Variants in GPR139 observed in about 807,000 individuals in gnomAD.
GPR139 encodes G protein-coupled receptor 139.
Under a neutral mutation model 25.8 loss-of-function variants are expected in GPR139, and 12 were observed. That is an observed-to-expected ratio of 0.47 (90% CI 0.30 to 0.75). The LOEUF (loss-of-function observed/expected upper bound fraction) is 0.75. Among genes scored for constraint, GPR139 ranks in the 30% least tolerant of loss-of-function variants. The pLI is 0.07. For missense variants in GPR139, 380 were observed against 450.2 expected, an observed-to-expected ratio of 0.84 and a Z score of 1.41; for synonymous variants, 184 against 179.9, an observed-to-expected ratio of 1.02 and a Z score of -0.18.
At chr16:20,059,972 C>T (rs16969483) in intron 1 of GPR139, among the ~76,000 whole-genome samples, 42,395 of 151,964 alleles carry the variant, frequency 0.28, 6,764 homozygotes, top group South Asian at 0.45. Flanking sequence ...GGTGGAACCA[C>T]GGTCTGTGAG....
intron 1 of GPR139, among the ~76,000 whole-genome samples, chr16:20,052,452 G>A (rs2057375570): frequency 6.6e-6 from 1 of 152,224 alleles, no homozygotes; most frequent in South Asian, 2.1e-4. Flanking sequence ...TGCTGCTGAT[G>A]AGACACGATT....
chr16:20,038,453 T>C (rs1302590766), intron 1 of GPR139, among the ~76,000 whole-genome samples: 1 of 151,766 alleles, frequency 6.6e-6, no homozygotes, highest in East Asian at 1.9e-4. Context: ...ATTCTCCATA[T>C]CGAAGCTCTT....
chr16:20,029,265 T>C lies in GPR139; in HGVS notation c.*2470A>G, dbSNP rs2057278490. Among the ~76,000 whole-genome samples the C allele has an allele frequency of 6.6e-6, 1 of 152,052 alleles. No homozygotes were observed. The highest frequency in any genetic ancestry group is 2.1e-4 in the South Asian group (1 of 4,816). On this transcript the variant is annotated 3_prime_UTR_variant, in exon 2 of 2. Transcript: ENST00000570682. ...TAAATTAAAGTGTCTGAGGAAAATG[T>C]TCCCAATGCACACCCAGTTTTTAAA...
intron 1 of GPR139, among the ~76,000 whole-genome samples, chr16:20,066,418 A>T (rs767599935): frequency 2.6e-5 from 4 of 152,108 alleles, no homozygotes; most frequent in Non-Finnish European, 4.4e-5. Flanking sequence ...ATCACAGGCA[A>T]CTCTTTTAGG....
In GPR139 at chr16:20,032,437, T is replaced by C. The variant is rs764757888; in HGVS notation, c.360A>G (p.Val120=). Residue 120 remains valine, a synonymous_variant, in exon 2 of 2, where the codon GTA becomes GTG. Coordinates refer to ENST00000570682, the MANE Select transcript of GPR139 (RefSeq NM_001002911.4). ...SSIHTSIWIT[V]PLTIDRYIAV... is the part of the protein sequence containing the mutation. ...CGATATACCTGTCAATGGTTAACGG[T>C]ACAGTAATCCATATGGAGGTGTGGA... 166 of 1,614,060 alleles carry C rather than the reference T, an allele frequency of 1.0e-4. No individual in the cohort carries two copies. The highest frequency in any genetic ancestry group is 1.3e-4 in the Non-Finnish European group (153 of 1,180,032).
intron 1 of GPR139, among the ~76,000 whole-genome samples, chr16:20,056,037 T>C (rs1298843138): frequency 6.6e-6 from 1 of 152,214 alleles, no homozygotes; most frequent in Admixed American, 6.5e-5. Context: ...TTAGTGTCTA[T>C]CATAAAGAAG....
intron 1 of GPR139, among the ~76,000 whole-genome samples, chr16:20,071,911 G>C (rs2057460923): frequency 6.6e-6 from 1 of 152,140 alleles, no homozygotes; most frequent in Non-Finnish European, 1.5e-5. Flanking sequence ...AGGTGCAAGG[G>C]TGGGTGGATT....
chr16:20,047,022 G>A (rs1257030789), intron 1 of GPR139, among the ~76,000 whole-genome samples: 1 of 152,106 alleles, frequency 6.6e-6, no homozygotes, highest in Non-Finnish European at 1.5e-5. Flanking sequence ...AGTGAGCTAT[G>A]TTCATGCAAA....
At chr16:20,063,143 T>C (rs1226423826) in intron 1 of GPR139, among the ~76,000 whole-genome samples, 1 of 152,246 alleles carries the variant, frequency 6.6e-6, no homozygotes, top group South Asian at 2.1e-4. Context: ...GCTCAGTAGC[T>C]ACATGCAGCT....
At position 20,030,139 on chromosome 16, in the gene GPR139, G is replaced by T. The variant is rs568842771; in HGVS notation, c.*1596C>A. Among the ~76,000 whole-genome samples the T allele has an allele frequency of 1.3e-5, 2 of 152,328 alleles. No homozygotes were observed. Among genetic ancestry groups the T allele is most frequent in the East Asian group, 3.9e-4 (2 of 5,184 alleles). On this transcript the variant is annotated 3_prime_UTR_variant, in exon 2 of 2. Coordinates refer to ENST00000570682, the MANE Select transcript of GPR139 (RefSeq NM_001002911.4). Reference sequence around the variant, plus strand: ...GAGCATTGGCTGAAGTTTAGGGTTTGTGTTGCCATGGGGCCTTTTCTTATC... The same window carrying T: ...GAGCATTGGCTGAAGTTTAGGGTTTTTGTTGCCATGGGGCCTTTTCTTATC...
In GPR139 at chr16:20,032,253, C is replaced by A. The variant is rs773441202; in HGVS notation, c.544G>T (p.Val182Phe). The A allele has an allele frequency of 1.2e-6, 2 of 1,614,134 alleles. No individual in the cohort carries two copies. The highest frequency in any genetic ancestry group is 2.2e-5 in the East Asian group (1 of 44,878). The change falls in exon 2 of 2, where the codon GTC (valine) becomes TTC (phenylalanine). Residue 182 changes from valine (V) to phenylalanine (F), a missense_variant. Transcript: ENST00000570682. ...EDYISTSVHH[V>F]LIWIHCFTVY... The stretch of plus-strand genomic sequence containing the variant: ...GTGAAGCAGTGGATCCAGATGAGGA[C>A]GTGATGCACAGAGGTGCTGATGTAG...
intron 1 of GPR139, among the ~76,000 whole-genome samples, chr16:20,047,878 T>C (rs1019571406): frequency 7.9e-5 from 12 of 152,214 alleles, no homozygotes; most frequent in Non-Finnish European, 1.6e-4. Context: ...TATGCTGATA[T>C]AGCACCTATC....
chr16:20,031,093 A>C lies in GPR139; in HGVS notation c.*642T>G, dbSNP rs1403048106. Reference sequence around the variant, plus strand: ...AACTGCCTTTTAGACCCCAGGTTTGAGGTCACAGCTATGCGGGTTTGGAGA... The same window carrying C: ...AACTGCCTTTTAGACCCCAGGTTTGCGGTCACAGCTATGCGGGTTTGGAGA... On this transcript the variant is annotated 3_prime_UTR_variant, in exon 2 of 2. Coordinates refer to ENST00000570682, the MANE Select transcript of GPR139 (RefSeq NM_001002911.4). Among the ~76,000 whole-genome samples, 1 of 152,116 alleles carries C rather than the reference A, an allele frequency of 6.6e-6. No individual in the cohort carries two copies. The highest frequency in any genetic ancestry group is 6.5e-5 in the Admixed American group (1 of 15,276).
At chr16:20,041,131 G>T (rs1227414649) in intron 1 of GPR139, among the ~76,000 whole-genome samples, 2 of 382 alleles carry the variant, frequency 5.2e-3, no homozygotes, top group Non-Finnish European at 0.022. Context: ...GAAAGGAAAG[G>T]AGAGGAGAGG....
rs2057289997 is a variant in GPR139, at chr16:20,031,819, C to T, written c.978G>A (p.Trp326Ter). The T allele has an allele frequency of 6.2e-7, 1 of 1,614,158 alleles. No homozygotes were observed. The highest frequency in any genetic ancestry group is 8.5e-7 in the Non-Finnish European group (1 of 1,180,026). The change falls in exon 2 of 2, where the codon TGG (tryptophan) becomes TGA (stop). Residue 326 changes from tryptophan (W) to a stop codon, truncating the protein, a stop_gained. Transcript: ENST00000570682. LOFTEE classifies it high-confidence loss of function. ...TGCAGTGTGAGTTTGCCGGCGAGAT[C>T]CAGGGGCTACTTGTTATGGAAAAGT... ...NHNFSITSSPWISPANSHCIK... is the reference protein window; with the variant it reads ...NHNFSITSSP
chr16:20,035,769 T>TG (rs2057307819), intron 1 of GPR139, among the ~76,000 whole-genome samples: 1 of 152,200 alleles, frequency 6.6e-6, no homozygotes, highest in Non-Finnish European at 1.5e-5. Flanking sequence ...GCAAATGTTC[T>TG]GAGGGGGAGA....
intron 1 of GPR139, among the ~76,000 whole-genome samples, chr16:20,063,991 C>T (rs752905280): frequency 9.9e-5 from 15 of 152,204 alleles, no homozygotes; most frequent in Non-Finnish European, 2.2e-4. Flanking sequence ...AGACCTGCTT[C>T]ACATGGTGGC....
chr16:20,043,202 C>T (rs1315160378), intron 1 of GPR139, among the ~76,000 whole-genome samples: 1 of 152,192 alleles, frequency 6.6e-6, no homozygotes, highest in Non-Finnish European at 1.5e-5. Context: ...GTCAGCCTTG[C>T]CAACCAATTG....
At chr16:20,071,926 G>C (rs976952013) in intron 1 of GPR139, among the ~76,000 whole-genome samples, 1 of 152,104 alleles carries the variant, frequency 6.6e-6, no homozygotes, top group Non-Finnish European at 1.5e-5. Context: ...TGGATTGTTG[G>C]GGGGACATTC....
Sources: gnomAD v4.1 joint callset for allele counts (sites outside exome capture counted in the v4.1 genomes callset) on GRCh38, gnomAD v4.1.1 for gene constraint, MANE v1.5 for transcripts, NCBI Gene and HGNC (gene_info 2026-07-23, HGNC 2026-07-21) for gene names.